Variants in NEGR1 observed in about 807,000 individuals in gnomAD.
NEGR1 encodes the protein IgLON family member 4.
NEGR1 carries 10 observed loss-of-function variants against 40.9 expected under a neutral mutation model. The ratio of observed to expected loss-of-function variants is 0.24; its 90% CI spans 0.15 to 0.42. The LOEUF is 0.42. Ranked by LOEUF, NEGR1 falls within the 10% of genes least tolerant of loss-of-function variation. The probability of loss-of-function intolerance (pLI) is 1.00; values close to 1 mark genes in which losing one functional copy is unlikely to be tolerated. For synonymous variants in NEGR1, 185 were observed against 166.8 expected, an observed-to-expected ratio of 1.11 and a Z score of -0.84; for missense variants, 352 against 438.9, an observed-to-expected ratio of 0.80 and a Z score of 1.77.
At chr1:71,736,974 C>A (rs1655057914) in intron 3 of NEGR1, among the ~76,000 whole-genome samples, 3 of 152,148 alleles carry the variant, frequency 2.0e-5, no homozygotes, top group Admixed American at 1.3e-4. Flanking sequence ...CAGGAAAGAA[C>A]ACTTGAAAAT....
Position 71,396,432 on chromosome 1 carries a change from A to G in NEGR1, c.*11014T>C, listed in dbSNP as rs1317303965. ...GGTTATCTGAGAAACGTTAAGGTCA[A>G]CCACTTTTCAGTGTAAATTAAATCT... On this transcript the variant is annotated 3_prime_UTR_variant, in exon 7 of 7. Transcript: ENST00000357731. 6.6e-6 allele frequency: 1 copy of G among 152,252 alleles called. No homozygotes were observed. Among genetic ancestry groups the G allele is most frequent in the Non-Finnish European group, 1.5e-5 (1 of 68,036 alleles). 9.4% of individuals were successfully genotyped at this position (152,252 alleles called of 1,614,324 possible). A position where few individuals can be genotyped will look rare whatever the true frequency, so the allele number is the denominator to read the frequency against.
chr1:71,920,375 C>G (rs1217197220), intron 2 of NEGR1, among the ~76,000 whole-genome samples: 1 of 152,090 alleles, frequency 6.6e-6, no homozygotes, highest in African/African-American at 2.4e-5. Flanking sequence ...ACTATATACC[C>G]TAAGAGTAAC....
chr1:71,732,517 T>TGC (rs1654914622), intron 3 of NEGR1, among the ~76,000 whole-genome samples: 1 of 151,160 alleles, frequency 6.6e-6, no homozygotes, highest in Admixed American at 6.6e-5. Context: ...TGTGTGTGTG[T>TGC]GTGCGCGCGC....
intron 2 of NEGR1, among the ~76,000 whole-genome samples, chr1:71,913,460 A>G (rs1661480543): frequency 6.6e-6 from 1 of 152,134 alleles, no homozygotes; most frequent in African/African-American, 2.4e-5. Context: ...TACTTAATAC[A>G]AACAAGACAA....
At chr1:71,776,101 A>T in intron 3 of NEGR1, 71 bp downstream of exon 3, 1 of 1,175,632 alleles carries the variant, frequency 8.5e-7, no homozygotes, top group Admixed American at 2.7e-5. Context: ...TAAGTTCTGA[A>T]CAAGTGAGGT....
chr1:71,882,395 C>T (rs1660605735), intron 2 of NEGR1, among the ~76,000 whole-genome samples: 1 of 152,006 alleles, frequency 6.6e-6, no homozygotes, highest in Non-Finnish European at 1.5e-5. Flanking sequence ...TATCTTTCCC[C>T]TAAGGGCTTT....
At chr1:72,198,535 TG>T in intron 1 of NEGR1, among the ~76,000 whole-genome samples, 1 of 152,186 alleles carries the variant, frequency 6.6e-6, no homozygotes, top group East Asian at 1.9e-4. Context: ...GTTATTTAGT[TG>T]TTTTCTTTTT....
intron 2 of NEGR1, among the ~76,000 whole-genome samples, chr1:71,901,078 A>G (rs1661131381): frequency 6.6e-6 from 1 of 152,238 alleles, no homozygotes; most frequent in Admixed American, 6.5e-5. Context: ...AAATCATCTA[A>G]TGATGACATT....
chr1:71,757,844 A>G (rs1022334873), intron 3 of NEGR1, among the ~76,000 whole-genome samples: 1 of 152,146 alleles, frequency 6.6e-6, no homozygotes, highest in African/African-American at 2.4e-5. Flanking sequence ...ATTTTATCAC[A>G]TAAGAACACA....
In NEGR1 at chr1:71,692,178, G is replaced by C. The variant is rs1653306201; in HGVS notation, c.667+5830C>G. ...ATAACTAAGTGAATATATAAATGTA[G>C]ATGTACCAAAGTGTATCATCATTGG... On this transcript the variant is annotated intron_variant, in intron 4 of 6. Coordinates refer to ENST00000357731, the MANE Select transcript of NEGR1 (RefSeq NM_173808.3). 2.0e-5 allele frequency among the ~76,000 whole-genome samples: 3 copies of C among 151,506 alleles called. No individual in the cohort carries two copies. The South Asian group carries it at 6.2e-4, about 32-fold the overall frequency.
intron 2 of NEGR1, among the ~76,000 whole-genome samples, chr1:71,831,888 G>T (rs919509207): frequency 6.6e-6 from 1 of 151,864 alleles, no homozygotes; most frequent in African/African-American, 2.4e-5. Flanking sequence ...CTGAGTGGGA[G>T]CCCTGGTTTG....
At chr1:71,938,669 A>C (rs1645932421) in intron 1 of NEGR1, among the ~76,000 whole-genome samples, 1 of 152,016 alleles carries the variant, frequency 6.6e-6, no homozygotes, top group Non-Finnish European at 1.5e-5. Flanking sequence ...TTGGGTACCA[A>C]CATTTTTTTT....
chr1:72,273,711 T>A (rs1655935669), intron 1 of NEGR1, among the ~76,000 whole-genome samples: 1 of 151,938 alleles, frequency 6.6e-6, no homozygotes, highest in Non-Finnish European at 1.5e-5. Context: ...AAAAAGTACA[T>A]TTTCTTCAAA....
At chr1:72,254,870 AT>A (rs71781503) in intron 1 of NEGR1, among the ~76,000 whole-genome samples, 15,975 of 151,504 alleles carry the variant, frequency 0.11, 2,850 homozygotes, top group African/African-American at 0.37. Context: ...TTTATAGCTG[AT>A]TTTTTTTCCA....
intron 5 of NEGR1, among the ~76,000 whole-genome samples, chr1:71,605,405 T>G (rs1650046640): frequency 6.6e-6 from 1 of 152,082 alleles, no homozygotes; most frequent in Non-Finnish European, 1.5e-5. Context: ...AGGAGGGAAT[T>G]CAACGGTGCA....
chr1:71,632,684 T>C (rs1448055953), intron 4 of NEGR1, among the ~76,000 whole-genome samples: 1 of 151,924 alleles, frequency 6.6e-6, no homozygotes, highest in Non-Finnish European at 1.5e-5. Context: ...TATTTCTTAA[T>C]TGTCATTTTA....
chr1:72,088,827 A>G, intron 1 of NEGR1, among the ~76,000 whole-genome samples: 1 of 98,822 alleles, frequency 1.0e-5, no homozygotes, highest in Non-Finnish European at 1.9e-5. Flanking sequence ...TTTTTTTGAG[A>G]CGGAATGGAC....
At chr1:71,712,300 C>T (rs1031646375) in intron 3 of NEGR1, among the ~76,000 whole-genome samples, 10 of 152,176 alleles carry the variant, frequency 6.6e-5, no homozygotes, top group African/African-American at 1.9e-4. Flanking sequence ...TAAGAAACCA[C>T]ATCAAAATGC....
At chr1:72,230,066 T>C (rs1425657418) in intron 1 of NEGR1, among the ~76,000 whole-genome samples, 1 of 152,122 alleles carries the variant, frequency 6.6e-6, no homozygotes, top group Non-Finnish European at 1.5e-5. Flanking sequence ...TAGGATACTT[T>C]GCAGATTCTA....
Sources: gnomAD v4.1 joint callset for allele counts (sites outside exome capture counted in the v4.1 genomes callset) on GRCh38, gnomAD v4.1.1 for gene constraint, MANE v1.5 for transcripts, NCBI Gene and HGNC (gene_info 2026-07-23, HGNC 2026-07-21) for gene names.